The following SPINT1 variants were observed in gnomAD, a reference collection of about 807,000 sequenced individuals.
The protein encoded by SPINT1 is serine peptidase inhibitor, Kunitz type 1.
Under a neutral mutation model 53.7 loss-of-function variants are expected in SPINT1, and 38 were observed. That is an observed-to-expected ratio of 0.71 (90% CI 0.55 to 0.93). The LOEUF is 0.93. Ranked by LOEUF, SPINT1 falls within the 40% of genes least tolerant of loss-of-function variation. SPINT1 has a pLI of 0.00. For synonymous variants in SPINT1, 283 were observed against 280.6 expected (o/e 1.01, Z -0.08); for missense variants, 645 against 692.9 (o/e 0.93, Z 0.78).
In SPINT1 at chr15:40,855,913, A is replaced by T; in HGVS notation, c.1139A>T (p.Asp380Val). The T allele has an allele frequency of 6.2e-7, 1 of 1,614,166 alleles. No homozygotes were observed. Among genetic ancestry groups the T allele is most frequent in the Non-Finnish European group, 8.5e-7 (1 of 1,180,014 alleles). ...CCAGGGCACTGCGTGGACCTGCCAG[A>T]CACAGGACTCTGCAAGGAGAGCATC... is the stretch of plus-strand genomic sequence containing the variant. ...SDKGHCVDLP[D>V]TGLCKESIPR... The change falls in exon 9 of 11, where the codon GAC becomes GTC. Residue 380 changes from aspartate (D) to valine (V), a missense_variant. Coordinates refer to ENST00000562057, the MANE Select transcript of SPINT1 (RefSeq NM_003710.4).
Position 40,853,396 on chromosome 15 carries a change from C to T in SPINT1, c.604-93C>T, listed in dbSNP as rs558716605. On this transcript the variant is annotated intron_variant, in intron 3 of 10. Transcript: ENST00000562057. ...TGCATTTAATCCAACTCCCCCTGGC[C>T]TCCCCAGGGGTGTGGGTGTGTGTCT... 8.1e-6 allele frequency: 13 copies of T among 1,601,818 alleles called. No homozygotes were observed. The East Asian group carries it at 2.7e-4, about 33-fold the overall frequency.
intron 2 of SPINT1, among the ~76,000 whole-genome samples, chr15:40,849,777 T>C (rs192496097): frequency 2.8e-3 from 419 of 152,326 alleles, no homozygotes; most frequent in Non-Finnish European, 4.7e-3. Context: ...GGTGTCAACT[T>C]TCTCATCTGA....
At chr15:40,847,009 T>G (rs886537348) in intron 2 of SPINT1, among the ~76,000 whole-genome samples, 1 of 152,146 alleles carries the variant, frequency 6.6e-6, no homozygotes, top group Non-Finnish European at 1.5e-5. Flanking sequence ...GGAGTCCCTC[T>G]CCAGAGCCAG....
Position 40,854,070 on chromosome 15 carries a change from G to T in SPINT1, c.924G>T (p.Met308Ile). 1 of 1,546,628 alleles carries T rather than the reference G, an allele frequency of 6.5e-7. No homozygotes were observed. Among genetic ancestry groups the T allele is most frequent in the Non-Finnish European group, 8.7e-7 (1 of 1,148,834 alleles). Residue 308 changes from methionine (M) to isoleucine (I), a missense_variant, in exon 6 of 11, where the codon ATG (methionine) becomes ATT (isoleucine). Met to Ile is a conservative substitution (Grantham distance 10). Coordinates refer to ENST00000562057, the MANE Select transcript of SPINT1 (RefSeq NM_003710.4). The part of the protein sequence containing the change: ...LACRGVQGPS[M>I]ERRHPVCSGT... ...TGTTCTCTCTCCCAGGCCCCTCCAT[G>T]GAAAGGCGCCATCCAGGTGGGCTTT... is the stretch of plus-strand genomic sequence containing the variant.
At chr15:40,849,055 G>T (rs1169537536) in intron 2 of SPINT1, among the ~76,000 whole-genome samples, 1 of 151,954 alleles carries the variant, frequency 6.6e-6, no homozygotes, top group Admixed American at 6.6e-5. Context: ...GACCATCCTG[G>T]CTAACACGGT....
At chr15:40,851,881 C>G (rs1891468711) in intron 2 of SPINT1, among the ~76,000 whole-genome samples, 1 of 152,226 alleles carries the variant, frequency 6.6e-6, no homozygotes, top group South Asian at 2.1e-4. Flanking sequence ...ATTAGCCGGG[C>G]ATGGTTGTGC....
intron 2 of SPINT1, among the ~76,000 whole-genome samples, chr15:40,850,866 GC>G (rs1336094021): frequency 6.6e-6 from 1 of 152,206 alleles, no homozygotes; most frequent in African/African-American, 2.4e-5. Flanking sequence ...GAGTGCTCCT[GC>G]TGCCCAAGCC....
In SPINT1 at chr15:40,856,341, C is replaced by A. The variant is rs1221409645; in HGVS notation, c.1336+18C>A. ...CAGCACAGGTAAGCCCTGATCTGTC[C>A]TGTAACTGAGGTTAGCATGTAGGTA... is the stretch of plus-strand genomic sequence containing the variant. On this transcript the variant is annotated intron_variant, in intron 10 of 10. Coordinates refer to ENST00000562057, the MANE Select transcript of SPINT1 (RefSeq NM_003710.4). 1 of 1,613,986 alleles carries A rather than the reference C, an allele frequency of 6.2e-7. No homozygotes were observed.
chr15:40,849,074 G>A (rs187265206), intron 2 of SPINT1, among the ~76,000 whole-genome samples: 120 of 151,830 alleles, frequency 7.9e-4, no homozygotes, highest in African/African-American at 2.1e-3. Context: ...GTGAAACCCC[G>A]TCTCTACTAA....
rs985309165 is a variant in SPINT1 at position 40,844,340 on chromosome 15, G to T, written c.-65-150G>T. The T allele has an allele frequency of 1.3e-4, 81 of 620,778 alleles. 1 individual carries two copies. The highest frequency in any genetic ancestry group is 1.3e-3 in the African/African-American group (65 of 51,916). 38.5% of individuals were successfully genotyped at this position (620,778 alleles called of 1,614,324 possible). On this transcript the variant is annotated intron_variant, in intron 1 of 10. Coordinates refer to ENST00000562057, the MANE Select transcript of SPINT1 (RefSeq NM_003710.4). This position sits in a 1 kb window ranked among gnomAD's most constrained non-coding sequence, Gnocchi z 5.8. ...TCTGGCTGCCGGGTCCCTGGAGGGC[G>T]CGTGGGAGGGCCGGGCCCGTGCGCC...
chr15:40,857,068 T>A lies in SPINT1; in HGVS notation c.*93T>A, dbSNP rs1891669642. On this transcript the variant is annotated 3_prime_UTR_variant, in exon 11 of 11. Coordinates refer to ENST00000562057, the MANE Select transcript of SPINT1 (RefSeq NM_003710.4). ...AAAACTTTGGAACCAGACTCTTGCC[T>A]GTTTCCCAGGCCCACTGTGCCTCAG... 1 of 1,508,830 alleles carries A rather than the reference T, an allele frequency of 6.6e-7. No individual in the cohort carries two copies. The highest frequency in any genetic ancestry group is 1.4e-5 in the African/African-American group (1 of 72,540). 93.5% of individuals were successfully genotyped at this position (1,508,830 alleles called of 1,614,324 possible).
Position 40,844,304 on chromosome 15 carries a change from C to T in SPINT1, c.-66+118C>T. 1.7e-6 allele frequency: 1 copy of T among 583,694 alleles called. No individual in the cohort carries two copies. The highest frequency in any genetic ancestry group is 1.9e-5 in the South Asian group (1 of 51,342). 36.2% of individuals were successfully genotyped at this position (583,694 alleles called of 1,614,324 possible). A position where few individuals can be genotyped will look rare whatever the true frequency, so the allele number is the denominator to read the frequency against. The stretch of plus-strand genomic sequence containing the variant: ...GTACTTGAGCTCCCTAGCGGTCCGC[C>T]TGTCCGTCTGTCTGGCTGCCGGGTC... On this transcript the variant is annotated intron_variant, in intron 1 of 10. Transcript: ENST00000562057. This position sits in a 1 kb window ranked among gnomAD's most constrained non-coding sequence, Gnocchi z 5.8.
intron 2 of SPINT1, 104 bp downstream of exon 2, chr15:40,845,133 A>C: frequency 2.1e-6 from 2 of 951,330 alleles, no homozygotes; most frequent in Non-Finnish European, 3.0e-6. Flanking sequence ...AGGAGAGTTC[A>C]CTTTTTTTTT....
At chr15:40,847,553 T>G (rs1043838585) in intron 2 of SPINT1, among the ~76,000 whole-genome samples, 2 of 152,086 alleles carry the variant, frequency 1.3e-5, no homozygotes, top group East Asian at 3.9e-4. Flanking sequence ...CCACCTCTCC[T>G]CCTCCCCAGT....
chr15:40,854,833 A>G (rs1164117840), intron 8 of SPINT1, 144 bp downstream of exon 8: 8 of 998,034 alleles, frequency 8.0e-6, no homozygotes, highest in Non-Finnish European at 1.1e-5. Context: ...CGTTCTCCAG[A>G]TGGCTCAGCT....
rs144740183 is a variant in SPINT1, at chr15:40,854,491, C to T, written c.1035C>T (p.Pro345=). The T allele has an allele frequency of 1.8e-4, 291 of 1,613,282 alleles. No individual in the cohort carries two copies. The highest frequency in any genetic ancestry group is 2.3e-4 in the Non-Finnish European group (266 of 1,179,886). Residue 345 remains proline (P), a synonymous_variant, in exon 7 of 11, where the codon CCC becomes CCT. Transcript: ENST00000562057. ...AGTGTGACGACACCCCCAACTGCCC[C>T]GACGCCTCCGACGAGGCTGCCTGTG... ...FLECDDTPNC[P]DASDEAACEK... is the part of the protein sequence containing the mutation.
At chr15:40,855,243 T>C (rs1891597864) in intron 8 of SPINT1, among the ~76,000 whole-genome samples, 1 of 152,174 alleles carries the variant, frequency 6.6e-6, no homozygotes. Flanking sequence ...TAGCCGGATG[T>C]GGTTGCGCGT....
chr15:40,844,246 G>T lies in SPINT1; in HGVS notation c.-66+60G>T. 3 of 490,664 alleles carry T rather than the reference G, an allele frequency of 6.1e-6. No homozygotes were observed. The highest frequency in any genetic ancestry group is 1.1e-5 in the Non-Finnish European group (3 of 270,966). The allele number at this position is 490,664 out of a possible 1,614,324, so 30.4% of individuals were successfully genotyped here. ...AGGCGGAGCGGGCTGGAGCATGTCC[G>T]GCCCTTTGTTCTGCGCTCGTGCGTG... On this transcript the variant is annotated intron_variant, in intron 1 of 10. Transcript: ENST00000562057. The surrounding 1 kb of genome is among the most constrained non-coding windows in gnomAD (Gnocchi z 5.8).
At position 40,854,566 on chromosome 15, in the gene SPINT1, G is replaced by A. The variant is rs772741357; in HGVS notation, c.1066+44G>A. ...AGGGGGTTGGGCAGCAGACAGGGAG[G>A]TCCTGACAGCCTTGCCCTGAACCCC... On this transcript the variant is annotated intron_variant, in intron 7 of 10. Coordinates refer to ENST00000562057, the MANE Select transcript of SPINT1 (RefSeq NM_003710.4). 4.3e-6 allele frequency: 7 copies of A among 1,613,638 alleles called. No individual in the cohort carries two copies. The East Asian group carries it at 1.3e-4, about 31-fold the overall frequency.
Sources: allele counts gnomAD v4.1 joint callset (sites outside exome capture counted in the v4.1 genomes callset), GRCh38; gene constraint gnomAD v4.1.1; non-coding constraint Gnocchi (gnomAD v3.1); transcripts MANE v1.5; gene names NCBI Gene and HGNC (gene_info 2026-07-23, HGNC 2026-07-21).